The following IL1RAPL2 variants were observed in gnomAD, a reference collection of about 807,000 sequenced individuals.
IL1RAPL2 encodes the protein interleukin 1 receptor accessory protein like 2.
IL1RAPL2 carries 3 observed loss-of-function variants against 44.1 expected under a neutral mutation model. The observed-to-expected ratio is 0.07, with a 90% confidence interval of 0.03 to 0.18. The LOEUF (loss-of-function observed/expected upper bound fraction) is 0.18. Ranked by LOEUF, IL1RAPL2 falls within the 10% of genes least tolerant of loss-of-function variation. The pLI is 1.00. For missense variants in IL1RAPL2, 391 were observed against 496.4 expected, an observed-to-expected ratio of 0.79 and a Z score of 2.02; for synonymous variants, 181 against 178.8, an observed-to-expected ratio of 1.01 and a Z score of -0.10.
At chrX:104,580,532 A>G (rs1408168060) in intron 1 of IL1RAPL2, among the ~76,000 whole-genome samples, 2 of 112,510 alleles carry the variant, frequency 1.8e-5, no homozygotes. Context: ...GCAACCTGAA[A>G]TACTGAAGGC....
Position 105,730,481 on chromosome X carries a change from C to CATT in IL1RAPL2, c.903-10063_903-10061dup, listed in dbSNP as rs929319249. Among the ~76,000 whole-genome samples the CATT allele has an allele frequency of 2.1e-3, 231 of 111,455 alleles. 3 individuals carry two copies. The highest frequency in any genetic ancestry group is 7.3e-3 in the African/African-American group (225 of 30,835). On this transcript the variant is annotated intron_variant, in intron 7 of 10. Coordinates refer to ENST00000372582, the MANE Select transcript of IL1RAPL2 (RefSeq NM_017416.2). ...ATCTAGACAGAAAACAACAAAGAAA[C>CATT]ATTAGATTTAAACTGCACCTTAGAC...
chrX:105,563,263 G>C (rs1468326978), intron 6 of IL1RAPL2, among the ~76,000 whole-genome samples: 1 of 111,878 alleles, frequency 8.9e-6, no homozygotes, highest in Non-Finnish European at 1.9e-5. Flanking sequence ...AAGTTAACTT[G>C]TCCAAGGAAA....
chrX:105,084,343 G>A (rs1186506776), intron 2 of IL1RAPL2, among the ~76,000 whole-genome samples: 1 of 112,806 alleles, frequency 8.9e-6, no homozygotes, highest in East Asian at 2.8e-4. Flanking sequence ...AAACAGCTGG[G>A]GACCGGGGGT....
At chrX:105,004,383 T>C (rs2030905744) in intron 2 of IL1RAPL2, among the ~76,000 whole-genome samples, 1 of 110,662 alleles carries the variant, frequency 9.0e-6, no homozygotes, top group African/African-American at 3.3e-5. Context: ...AAGAAACTTC[T>C]TTCTTGTTTT....
At chrX:104,601,368 C>T (rs1928880022) in intron 1 of IL1RAPL2, among the ~76,000 whole-genome samples, 2 of 108,352 alleles carry the variant, frequency 1.8e-5, no homozygotes, top group Non-Finnish European at 3.8e-5. Context: ...TTAGTGAGAA[C>T]ATGTGGTGTT....
chrX:105,220,476 C>G (rs1162577211), intron 3 of IL1RAPL2: 1 of 916,807 alleles, frequency 1.1e-6, no homozygotes, highest in East Asian at 3.4e-5. Context: ...CCCCTTAGCC[C>G]CTCCCCTCAT....
At chrX:105,570,372 T>A (rs1027902816) in intron 6 of IL1RAPL2, among the ~76,000 whole-genome samples, 3 of 112,350 alleles carry the variant, frequency 2.7e-5, no homozygotes, top group Non-Finnish European at 1.9e-5. Flanking sequence ...GGTTGGTCCA[T>A]ATTTTTACAT....
chrX:105,028,977 A>G (rs1316456340), intron 2 of IL1RAPL2, among the ~76,000 whole-genome samples: 4 of 109,759 alleles, frequency 3.6e-5, no homozygotes, highest in Non-Finnish European at 7.6e-5. Context: ...TCATTCTTGT[A>G]CTTGGTCAGT....
chrX:104,571,269 A>C (rs1928144604), intron 1 of IL1RAPL2, among the ~76,000 whole-genome samples: 1 of 111,953 alleles, frequency 8.9e-6, no homozygotes. Context: ...TCTTTATTTA[A>C]AAGTGTTACT....
chrX:105,650,312 T>A (rs940491562), intron 6 of IL1RAPL2, among the ~76,000 whole-genome samples: 1 of 111,990 alleles, frequency 8.9e-6, no homozygotes, highest in African/African-American at 3.2e-5. Flanking sequence ...TAGGGACATT[T>A]GAAGACATAC....
At chrX:105,559,339 C>T (rs1212031698) in intron 6 of IL1RAPL2, among the ~76,000 whole-genome samples, 1 of 111,673 alleles carries the variant, frequency 9.0e-6, no homozygotes, top group African/African-American at 3.3e-5. Flanking sequence ...TAAAATAAAC[C>T]CACTCATATA....
At chrX:104,851,952 G>A (rs1922237329) in intron 2 of IL1RAPL2, among the ~76,000 whole-genome samples, 1 of 111,156 alleles carries the variant, frequency 9.0e-6, no homozygotes. Context: ...ATGGCACCAA[G>A]GTATTTATGA....
chrX:104,636,072 T>C (rs1324705313), intron 1 of IL1RAPL2, among the ~76,000 whole-genome samples: 1 of 112,362 alleles, frequency 8.9e-6, no homozygotes, highest in Non-Finnish European at 1.9e-5. Flanking sequence ...GTCAGGACCC[T>C]CAGCTGCAAG....
chrX:105,375,247 C>T (rs1216131307), intron 5 of IL1RAPL2, among the ~76,000 whole-genome samples: 1 of 110,557 alleles, frequency 9.0e-6, no homozygotes, highest in African/African-American at 3.3e-5. Flanking sequence ...CATGGTGGCT[C>T]ATACCTGTAA....
intron 2 of IL1RAPL2, among the ~76,000 whole-genome samples, chrX:104,718,485 C>A (rs901257049): frequency 9.1e-6 from 1 of 110,406 alleles, no homozygotes; most frequent in Non-Finnish European, 1.9e-5. Context: ...GGATGGATTT[C>A]CCCCCATGTT....
chrX:104,998,778 T>C, intron 2 of IL1RAPL2, among the ~76,000 whole-genome samples: 2 of 109,339 alleles, frequency 1.8e-5, no homozygotes, highest in Middle Eastern at 4.6e-3. Flanking sequence ...TTAAAAAGGG[T>C]TGGAGAAAAT....
At chrX:105,305,954 T>G (rs2147677276) in intron 5 of IL1RAPL2, among the ~76,000 whole-genome samples, 1 of 111,278 alleles carries the variant, frequency 9.0e-6, no homozygotes, top group East Asian at 2.8e-4. Flanking sequence ...ATTTTTCCAT[T>G]TATGTCTAAG....
intron 5 of IL1RAPL2, among the ~76,000 whole-genome samples, chrX:105,310,323 T>C (rs2034787589): frequency 9.0e-6 from 1 of 111,620 alleles, no homozygotes; most frequent in Non-Finnish European, 1.9e-5. Context: ...TTCTTTCTGG[T>C]ATTGGTAATT....
At chrX:104,869,095 TC>T (rs746297684) in intron 2 of IL1RAPL2, among the ~76,000 whole-genome samples, 174 of 112,049 alleles carry the variant, frequency 1.6e-3, no homozygotes, top group Non-Finnish European at 2.7e-3. Context: ...TTCTTGAAGT[TC>T]TTTTAATGCA....
Sources: gnomAD v4.1 joint callset for allele counts (sites outside exome capture counted in the v4.1 genomes callset) on GRCh38, gnomAD v4.1.1 for gene constraint, MANE v1.5 for transcripts, NCBI Gene and HGNC (gene_info 2026-07-23, HGNC 2026-07-21) for gene names.